Variants in ELMO1 observed in about 807,000 individuals in gnomAD.
ELMO1 encodes the protein engulfment and cell motility protein 1.
ELMO1 carries 26 observed loss-of-function variants against 98.9 expected under a neutral mutation model. The observed-to-expected ratio is 0.26, with a 90% CI of 0.19 to 0.36. The LOEUF is 0.36. Among genes scored for constraint, ELMO1 ranks in the 10% least tolerant of loss-of-function variants. The probability of loss-of-function intolerance (pLI) is 1.00; values close to 1 mark genes in which losing one functional copy is unlikely to be tolerated. For synonymous variants in ELMO1, 346 were observed against 346.0 expected (o/e 1.00, Z 0.00); for missense variants, 627 against 935.2 (o/e 0.67, Z 4.30).
At chr7:37,209,444 A>G (rs1792832560) in intron 13 of ELMO1, among the ~76,000 whole-genome samples, 1 of 152,198 alleles carries the variant, frequency 6.6e-6, no homozygotes, top group Non-Finnish European at 1.5e-5. Context: ...TTTTCTACAT[A>G]GCTCAGAAGA....
intron 16 of ELMO1, among the ~76,000 whole-genome samples, chr7:36,978,658 C>G (rs1026429750): frequency 6.6e-6 from 1 of 152,140 alleles, no homozygotes; most frequent in African/African-American, 2.4e-5. Context: ...TAAAAGCCAC[C>G]GATTATTTAT....
At chr7:37,159,541 A>C (rs558500169) in intron 13 of ELMO1, among the ~76,000 whole-genome samples, 20 of 152,106 alleles carry the variant, frequency 1.3e-4, no homozygotes, top group Non-Finnish European at 1.8e-4. Context: ...TCTCTACTAA[A>C]ATACAAAAAT....
At chr7:37,051,403 T>C (rs1396425659) in intron 15 of ELMO1, among the ~76,000 whole-genome samples, 2 of 152,200 alleles carry the variant, frequency 1.3e-5, no homozygotes, top group East Asian at 3.8e-4. Context: ...TTAACCTGAG[T>C]TTGACCAGAT....
Position 36,965,005 on chromosome 7 carries a change from G to C in ELMO1, c.1437+48294C>G, listed in dbSNP as rs11770683. On this transcript the variant is annotated intron_variant, in intron 16 of 21. Coordinates refer to ENST00000310758, the MANE Select transcript of ELMO1 (RefSeq NM_014800.11). ...CCCCCGCATCCCCCATCCAGGATGG[G>C]CTCTGGCCATCTTCCCATTCCTTGA... 7.4e-3 allele frequency among the ~76,000 whole-genome samples: 1,122 copies of C among 152,200 alleles called. 11 individuals carry two copies. The highest frequency in any genetic ancestry group is 0.012 in the Non-Finnish European group (810 of 68,014).
intron 13 of ELMO1, among the ~76,000 whole-genome samples, chr7:37,165,572 T>C (rs1406131703): frequency 6.6e-6 from 1 of 152,142 alleles, no homozygotes; most frequent in Non-Finnish European, 1.5e-5. Context: ...GTCAAAGGCC[T>C]TTTCTGCATC....
intron 19 of ELMO1, among the ~76,000 whole-genome samples, chr7:36,872,924 A>G (rs1803648441): frequency 6.6e-6 from 1 of 152,252 alleles, no homozygotes. Context: ...TTGGTAAGTT[A>G]GCCCTTAGCT....
intron 4 of ELMO1, among the ~76,000 whole-genome samples, chr7:37,303,579 A>G (rs1798455226): frequency 6.6e-6 from 1 of 152,182 alleles, no homozygotes; most frequent in Non-Finnish European, 1.5e-5. Flanking sequence ...AATCTTCTTT[A>G]CTAATAATGG....
At chr7:37,284,886 G>A (rs1347944294) in intron 4 of ELMO1, among the ~76,000 whole-genome samples, 1 of 152,188 alleles carries the variant, frequency 6.6e-6, no homozygotes, top group Non-Finnish European at 1.5e-5. Flanking sequence ...CTGCGGCAAT[G>A]TGACACTTCA....
At chr7:36,981,899 T>C (rs1791084269) in intron 16 of ELMO1, among the ~76,000 whole-genome samples, 1 of 152,172 alleles carries the variant, frequency 6.6e-6, no homozygotes, top group Non-Finnish European at 1.5e-5. Flanking sequence ...TCCAGGTACC[T>C]TGTGGAGGTA....
Position 37,093,618 on chromosome 7 carries a change from G to A in ELMO1, c.1300+3001C>T, listed in dbSNP as rs556880078. 4.6e-5 allele frequency among the ~76,000 whole-genome samples: 7 copies of A among 152,316 alleles called. No individual in the cohort carries two copies. The South Asian group carries it at 1.4e-3, about 32-fold the overall frequency. On this transcript the variant is annotated intron_variant, in intron 15 of 21. Coordinates refer to ENST00000310758, the MANE Select transcript of ELMO1 (RefSeq NM_014800.11). ...TTCTTTCAACATAAGGGTGTATTCA[G>A]ATTAGCTTTGCATATTAGTAACTTA...
In ELMO1 at chr7:36,853,782, T is replaced by C. The variant is rs745648622; in HGVS notation, c.*1769A>G. Among the ~76,000 whole-genome samples the C allele has an allele frequency of 4.6e-5, 7 of 152,234 alleles. No individual in the cohort carries two copies. Among genetic ancestry groups the C allele is most frequent in the Non-Finnish European group, 8.8e-5 (6 of 68,046 alleles). ...GTGGCTGGTGCTGTGCCACGCTTAA[T>C]ACTGCATGCTTGGACCCTTCTGACA... is the stretch of plus-strand genomic sequence containing the variant. On this transcript the variant is annotated 3_prime_UTR_variant, in exon 22 of 22. Coordinates refer to ENST00000310758, the MANE Select transcript of ELMO1 (RefSeq NM_014800.11).
intron 16 of ELMO1, among the ~76,000 whole-genome samples, chr7:36,968,301 T>A (rs1432760186): frequency 1.3e-5 from 2 of 152,210 alleles, no homozygotes; most frequent in Non-Finnish European, 2.9e-5. Flanking sequence ...TAGGATAAAG[T>A]CTTTGACTTG....
chr7:37,161,534 C>T (rs954783831), intron 13 of ELMO1, among the ~76,000 whole-genome samples: 1 of 152,078 alleles, frequency 6.6e-6, no homozygotes, highest in African/African-American at 2.4e-5. Flanking sequence ...TTTTCAGTCT[C>T]CCACCCGGAT....
intron 16 of ELMO1, among the ~76,000 whole-genome samples, chr7:36,949,055 C>T (rs983980122): frequency 6.6e-6 from 1 of 152,110 alleles, no homozygotes; most frequent in African/African-American, 2.4e-5. Context: ...GGGGTTTCAC[C>T]ATGTTGGTCA....
chr7:37,178,314 A>G (rs1563058537), intron 13 of ELMO1, among the ~76,000 whole-genome samples: 1 of 152,102 alleles, frequency 6.6e-6, no homozygotes, highest in African/African-American at 2.4e-5. Flanking sequence ...CAGATCTTGT[A>G]AGACTTATTC....
At chr7:37,025,422 A>G (rs996435735) in intron 15 of ELMO1, among the ~76,000 whole-genome samples, 1 of 152,182 alleles carries the variant, frequency 6.6e-6, no homozygotes, top group Admixed American at 6.5e-5. Flanking sequence ...GCCCAGATTA[A>G]ACATTATTTC....
intron 1 of ELMO1, among the ~76,000 whole-genome samples, chr7:37,354,025 G>GA (rs1373257404): frequency 2.0e-5 from 3 of 152,174 alleles, no homozygotes; most frequent in Admixed American, 2.0e-4. Flanking sequence ...TTCTCTTAAA[G>GA]ATCTCCCTGA....
chr7:36,879,901 C>G (rs1026985707), intron 18 of ELMO1, among the ~76,000 whole-genome samples: 7 of 152,160 alleles, frequency 4.6e-5, no homozygotes, highest in African/African-American at 1.7e-4. Flanking sequence ...TTAAATTAGG[C>G]AAATGTGTAC....
chr7:37,074,079 A>C (rs1387476587), intron 15 of ELMO1, among the ~76,000 whole-genome samples: 1 of 148,440 alleles, frequency 6.7e-6, no homozygotes, highest in African/African-American at 2.4e-5. Context: ...TTAAATATAT[A>C]GTATAAATAT....
Sources: gnomAD v4.1 joint callset for allele counts (sites outside exome capture counted in the v4.1 genomes callset) on GRCh38, gnomAD v4.1.1 for gene constraint, MANE v1.5 for transcripts, NCBI Gene and HGNC (gene_info 2026-07-23, HGNC 2026-07-21) for gene names.